The following AGMO variants were observed in gnomAD, a reference collection of about 807,000 sequenced individuals.
The protein encoded by AGMO is alkylglycerol monooxygenase, also known as glyceryl-ether monooxygenase.
In AGMO, 75 loss-of-function variants were observed where a neutral mutation model predicts 60.2. That is an observed-to-expected ratio of 1.25 (90% CI 1.03 to 1.51). The LOEUF (loss-of-function observed/expected upper bound fraction) is 1.51. Among genes scored for constraint, AGMO ranks in the 40% most tolerant of loss-of-function variants. The pLI is 0.00. For synonymous variants in AGMO, 261 were observed against 177.1 expected (o/e 1.47, Z -3.76); for missense variants, 763 against 525.5 (o/e 1.45, Z -4.42).
intron 5 of AGMO, among the ~76,000 whole-genome samples, chr7:15,396,779 C>T (rs936096980): frequency 1.3e-5 from 2 of 151,642 alleles, no homozygotes; most frequent in Non-Finnish European, 2.9e-5. Flanking sequence ...GTCCATCTTA[C>T]AGGGAGCTGA....
At chr7:15,538,417 A>G (rs1164366036) in intron 3 of AGMO, among the ~76,000 whole-genome samples, 1 of 151,930 alleles carries the variant, frequency 6.6e-6, no homozygotes, top group East Asian at 1.9e-4. Flanking sequence ...ATGTTTTGTA[A>G]AGACGAAGTC....
intron 10 of AGMO, among the ~76,000 whole-genome samples, chr7:15,377,708 T>C (rs1783508392): frequency 6.6e-6 from 1 of 152,092 alleles, no homozygotes; most frequent in Non-Finnish European, 1.5e-5. Flanking sequence ...ACCCTGGCTT[T>C]TCTTTTGGTC....
intron 3 of AGMO, among the ~76,000 whole-genome samples, chr7:15,490,081 G>T (rs575270456): frequency 6.6e-6 from 1 of 152,102 alleles, no homozygotes; most frequent in Non-Finnish European, 1.5e-5. Flanking sequence ...CAAAATCTTG[G>T]TTCTTACTTT....
intron 3 of AGMO, among the ~76,000 whole-genome samples, chr7:15,470,157 T>A (rs183406285): frequency 6.6e-6 from 1 of 151,948 alleles, no homozygotes. Context: ...TCAAGAAAGA[T>A]AGCATAGCAT....
chr7:15,275,943 T>C (rs918181257), intron 12 of AGMO, among the ~76,000 whole-genome samples: 6 of 151,972 alleles, frequency 3.9e-5, no homozygotes, highest in African/African-American at 1.2e-4. Flanking sequence ...AGGTAGTTTC[T>C]TGCTTGCAGC....
chr7:15,253,297 C>A (rs1024723542), intron 12 of AGMO, among the ~76,000 whole-genome samples: 2 of 152,070 alleles, frequency 1.3e-5, no homozygotes, highest in Non-Finnish European at 2.9e-5. Context: ...TATGGAGATG[C>A]TAATGTTGGT....
chr7:15,172,611 G>A, the AGMO span, among the ~76,000 whole-genome samples: 128,176 of 151,956 alleles, frequency 0.84, 54,153 homozygotes, highest in East Asian at 1. Flanking sequence ...TTTTTTAATT[G>A]AAGTTCCAGT....
chr7:15,268,452 A>G (rs1223406978), intron 12 of AGMO, among the ~76,000 whole-genome samples: 1 of 152,022 alleles, frequency 6.6e-6, no homozygotes, highest in Non-Finnish European at 1.5e-5. Flanking sequence ...GCTGTTATCA[A>G]TATTTCAAAA....
At chr7:15,264,450 A>G (rs1253846284) in intron 12 of AGMO, among the ~76,000 whole-genome samples, 1 of 152,078 alleles carries the variant, frequency 6.6e-6, no homozygotes, top group African/African-American at 2.4e-5. Context: ...AGTCTTTTCT[A>G]TGATACTAAC....
intron 3 of AGMO, among the ~76,000 whole-genome samples, chr7:15,508,579 C>T (rs541045362): frequency 2.0e-5 from 3 of 151,964 alleles, no homozygotes; most frequent in Non-Finnish European, 4.4e-5. Context: ...AATATGACAA[C>T]ACCAATTGAA....
chr7:15,377,378 T>C (rs539222734), intron 10 of AGMO, among the ~76,000 whole-genome samples: 1 of 152,146 alleles, frequency 6.6e-6, no homozygotes, highest in South Asian at 2.1e-4. Flanking sequence ...CATGAGTTTC[T>C]CATATATTTT....
rs80298474 is a variant in AGMO, at chr7:15,362,718, G to C, written c.1263+2796C>G. Among the ~76,000 whole-genome samples, 2,120 of 152,214 alleles carry C rather than the reference G, an allele frequency of 0.014. 141 individuals are homozygous for C. In the East Asian group the frequency reaches 0.23, roughly 17 times the overall value. On this transcript the variant is annotated intron_variant, in intron 12 of 12. Transcript: ENST00000342526. ...TTTCCATGAGGTCCTCTTTTCCTTG[G>C]ATCATAAACCAAAGATAATCCAGAG...
intron 12 of AGMO, among the ~76,000 whole-genome samples, chr7:15,356,261 T>C (rs1015996216): frequency 6.6e-6 from 1 of 152,084 alleles, no homozygotes; most frequent in African/African-American, 2.4e-5. Flanking sequence ...GATGAATTTT[T>C]ATTGCAGCAT....
At chr7:15,367,431 G>T (rs180779476) in intron 10 of AGMO, among the ~76,000 whole-genome samples, 1 of 152,066 alleles carries the variant, frequency 6.6e-6, no homozygotes, top group Non-Finnish European at 1.5e-5. Context: ...TAACTTGGCA[G>T]AGTAGTTGTC....
At chr7:15,276,814 G>A (rs1046543469) in intron 12 of AGMO, among the ~76,000 whole-genome samples, 4 of 149,794 alleles carry the variant, frequency 2.7e-5, no homozygotes, top group Non-Finnish European at 4.4e-5. Flanking sequence ...GTTCTGCTTG[G>A]TCTAGTTTAT....
chr7:15,359,587 G>A (rs1177493148), intron 12 of AGMO, among the ~76,000 whole-genome samples: 1 of 152,002 alleles, frequency 6.6e-6, no homozygotes, highest in African/African-American at 2.4e-5. Flanking sequence ...AATGAACAAA[G>A]GTAATCTTTC....
At chr7:15,316,331 T>C (rs1780923730) in intron 12 of AGMO, among the ~76,000 whole-genome samples, 1 of 152,174 alleles carries the variant, frequency 6.6e-6, no homozygotes, top group South Asian at 2.1e-4. Context: ...TTGGCTTACA[T>C]GCACCCCTCT....
chr7:15,479,000 G>A (rs964483291), intron 3 of AGMO, among the ~76,000 whole-genome samples: 1 of 152,078 alleles, frequency 6.6e-6, no homozygotes, highest in Non-Finnish European at 1.5e-5. Context: ...AGATAAACGA[G>A]CTAATAAACA....
intron 12 of AGMO, among the ~76,000 whole-genome samples, chr7:15,292,015 G>A (rs2128522441): frequency 6.6e-6 from 1 of 152,254 alleles, no homozygotes; most frequent in East Asian, 1.9e-4. Flanking sequence ...TAAAAGAAAT[G>A]CATTAAAAAT....
Sources: allele counts gnomAD v4.1 joint callset (sites outside exome capture counted in the v4.1 genomes callset), GRCh38; gene constraint gnomAD v4.1.1; transcripts MANE v1.5; gene names NCBI Gene and HGNC (gene_info 2026-07-23, HGNC 2026-07-21).